CREB5: variants seen among roughly 807,000 people sequenced by gnomAD.
CREB5 encodes the protein cAMP responsive element binding protein 5.
A neutral mutation model predicts 57.1 loss-of-function variants in CREB5; 19 were observed. The ratio of observed to expected loss-of-function variants is 0.33; its 90% confidence interval spans 0.23 to 0.49. The LOEUF (loss-of-function observed/expected upper bound fraction) is 0.49. Among genes scored for constraint, CREB5 ranks in the 20% least tolerant of loss-of-function variants. The pLI is 0.99. For synonymous variants in CREB5, 238 were observed against 238.3 expected, an observed-to-expected ratio of 1.00 and a Z score of 0.01; for missense variants, 579 against 671.6, an observed-to-expected ratio of 0.86 and a Z score of 1.52.
Position 28,804,433 on chromosome 7 carries a change from C to T in CREB5, c.937C>T (p.His313Tyr). The T allele has an allele frequency of 1.9e-6, 3 of 1,613,934 alleles. No homozygotes were observed. Among genetic ancestry groups the T allele is most frequent in the Non-Finnish European group, 2.5e-6 (3 of 1,180,024 alleles). Reference protein sequence around the residue: ...PQPHHQQNHPHHHSHSHLHAH... With the variant: ...PQPHHQQNHPYHHSHSHLHAH... ...ACCCCATCACCAGCAGAACCATCCA[C>T]ATCACCACTCCCATTCCCACCTTCA... Residue 313 changes from histidine to tyrosine, a missense_variant, in exon 8 of 11, where the codon CAT becomes TAT. By Grantham distance (83) the His-to-Tyr change is moderately conservative (BLOSUM62 2). Transcript: ENST00000357727.
chr7:28,574,637 G>A (rs1294596600), intron 5 of CREB5, among the ~76,000 whole-genome samples: 1 of 152,162 alleles, frequency 6.6e-6, no homozygotes, highest in Non-Finnish European at 1.5e-5. Context: ...GCTCTGACGG[G>A]TTATGGGAGA....
At position 28,534,904 on chromosome 7, in the gene CREB5, A is replaced by G. The variant is rs143209339; in HGVS notation, c.291+27167A>G. Among the ~76,000 whole-genome samples the G allele has an allele frequency of 7.9e-3, 1,119 of 141,624 alleles. 165 individuals are homozygous for G. Among genetic ancestry groups the G allele is most frequent in the African/African-American group, 0.027 (1,038 of 38,614 alleles). The allele number at this position is 141,624 out of a possible 152,430, so 92.9% of individuals were successfully genotyped here. ...GTGAGAAAGCCCAGGTTTGAACCTA[A>G]TAGTTTGACTCTGGAGTCTGAGTTC... On this transcript the variant is annotated intron_variant, in intron 4 of 10. Coordinates refer to ENST00000357727, the MANE Select transcript of CREB5 (RefSeq NM_182898.4).
At chr7:28,737,926 T>TTA (rs1804121364) in intron 7 of CREB5, among the ~76,000 whole-genome samples, 2 of 152,098 alleles carry the variant, frequency 1.3e-5, no homozygotes, top group East Asian at 3.8e-4. Flanking sequence ...TACAAATAGT[T>TTA]CAAAATTTAT....
At chr7:28,427,943 A>G (rs1788572282) in intron 1 of CREB5, among the ~76,000 whole-genome samples, 1 of 152,228 alleles carries the variant, frequency 6.6e-6, no homozygotes, top group Non-Finnish European at 1.5e-5. Context: ...CAAAATCTCC[A>G]CATAGATAGG....
chr7:28,301,321 G>A (rs2127978613), intron 1 of CREB5, among the ~76,000 whole-genome samples: 1 of 152,334 alleles, frequency 6.6e-6, no homozygotes, highest in East Asian at 1.9e-4. Context: ...AAACTTTAGT[G>A]TTGACCAAAA....
chr7:28,644,386 C>T (rs1798809404), intron 5 of CREB5, among the ~76,000 whole-genome samples: 1 of 152,068 alleles, frequency 6.6e-6, no homozygotes, highest in Admixed American at 6.6e-5. Flanking sequence ...TTCAGACTAC[C>T]AGTGGGAATT....
At chr7:28,352,042 T>A (rs1226064998) in intron 1 of CREB5, among the ~76,000 whole-genome samples, 1 of 152,218 alleles carries the variant, frequency 6.6e-6, no homozygotes, top group African/African-American at 2.4e-5. Flanking sequence ...CAAATAGACA[T>A]GATTTGAGGC....
At chr7:28,654,230 C>T (rs967107768) in intron 5 of CREB5, among the ~76,000 whole-genome samples, 16 of 152,128 alleles carry the variant, frequency 1.1e-4, no homozygotes, top group Non-Finnish European at 1.3e-4. Flanking sequence ...TTGCCACTTT[C>T]GGGAGTCGAT....
intron 7 of CREB5, among the ~76,000 whole-genome samples, chr7:28,747,895 A>G (rs910473383): frequency 1.3e-5 from 2 of 152,156 alleles, no homozygotes; most frequent in African/African-American, 4.8e-5. Flanking sequence ...TCTCAGCTGG[A>G]TGCAGGAGAG....
At chr7:28,513,729 A>G (rs1306127847) in intron 4 of CREB5, 1 of 152,232 alleles carries the variant, frequency 6.6e-6, no homozygotes, top group African/African-American at 2.4e-5. Context: ...CCAGTGGATA[A>G]ACTGGAAGCT....
intron 4 of CREB5, among the ~76,000 whole-genome samples, chr7:28,524,451 G>A (rs1255998601): frequency 2.6e-5 from 4 of 151,994 alleles, no homozygotes; most frequent in African/African-American, 9.7e-5. Context: ...GCAGTGAGCC[G>A]AGATCGTGTC....
chr7:28,607,404 G>A (rs560712676), intron 5 of CREB5, among the ~76,000 whole-genome samples: 12 of 152,236 alleles, frequency 7.9e-5, no homozygotes, highest in Admixed American at 1.3e-4. Context: ...CACTGGGGGC[G>A]GAATGAGGCC....
chr7:28,637,780 G>A (rs567515559), intron 5 of CREB5, among the ~76,000 whole-genome samples: 3 of 152,318 alleles, frequency 2.0e-5, no homozygotes, highest in South Asian at 2.1e-4. Flanking sequence ...AACCAATTAA[G>A]AACTTATGTT....
intron 5 of CREB5, among the ~76,000 whole-genome samples, chr7:28,611,703 A>T (rs996206340): frequency 3.1e-4 from 47 of 149,502 alleles, no homozygotes; most frequent in Non-Finnish European, 6.4e-4. Context: ...TAAATAAATA[A>T]ATAAATAAAT....
chr7:28,566,096 T>G (rs1463217391), intron 4 of CREB5, among the ~76,000 whole-genome samples: 1 of 152,222 alleles, frequency 6.6e-6, no homozygotes, highest in African/African-American at 2.4e-5. Context: ...CACTTATTTG[T>G]CAATTTTCCC....
At chr7:28,398,292 G>A (rs1331111987) in intron 1 of CREB5, among the ~76,000 whole-genome samples, 1 of 152,168 alleles carries the variant, frequency 6.6e-6, no homozygotes, top group Non-Finnish European at 1.5e-5. Context: ...CCATGGTGAA[G>A]GAATAGCAGC....
chr7:28,514,916 T>C (rs1341440085), intron 4 of CREB5, among the ~76,000 whole-genome samples: 1 of 152,196 alleles, frequency 6.6e-6, no homozygotes, highest in Non-Finnish European at 1.5e-5. Context: ...GCTTGGACCC[T>C]ATTTTATTTC....
chr7:28,625,075 A>T (rs2128688802), intron 5 of CREB5, among the ~76,000 whole-genome samples: 1 of 151,600 alleles, frequency 6.6e-6, no homozygotes, highest in Non-Finnish European at 1.5e-5. Context: ...ATTTCATGTA[A>T]TTCCCATGGC....
At chr7:28,541,183 C>G (rs543198390) in intron 4 of CREB5, among the ~76,000 whole-genome samples, 3 of 152,118 alleles carry the variant, frequency 2.0e-5, no homozygotes, top group Non-Finnish European at 4.4e-5. Flanking sequence ...AAATTAAGTA[C>G]GGATGAGAAG....
Sources: allele counts gnomAD v4.1 joint callset (sites outside exome capture counted in the v4.1 genomes callset), GRCh38; gene constraint gnomAD v4.1.1; transcripts MANE v1.5; gene names NCBI Gene and HGNC (gene_info 2026-07-23, HGNC 2026-07-21).